ALOX5AP: variants seen among roughly 807,000 people sequenced by gnomAD.
ALOX5AP encodes the protein arachidonate 5-lipoxygenase activating protein.
ALOX5AP carries 9 observed loss-of-function variants against 18.5 expected under a neutral mutation model. The ratio of observed to expected loss-of-function variants is 0.49; its 90% confidence interval spans 0.29 to 0.85. The LOEUF (loss-of-function observed/expected upper bound fraction) is 0.85. Among genes scored for constraint, ALOX5AP ranks in the 40% least tolerant of loss-of-function variants. The probability of loss-of-function intolerance (pLI) is 0.08; values close to 1 mark genes in which losing one functional copy is unlikely to be tolerated. For synonymous variants in ALOX5AP, 81 were observed against 78.6 expected (o/e 1.03, Z -0.16); for missense variants, 172 against 202.5 (o/e 0.85, Z 0.91).
At chr13:30,732,741 CAG>C (rs1951691328), upstream of ALOX5AP, among the ~76,000 whole-genome samples, 5 of 151,856 alleles carry the variant, frequency 3.3e-5, no homozygotes, top group African/African-American at 1.2e-4. Context: ...AACAGGTCTG[CAG>C]AGAGAATACG....
At chr13:30,716,313 C>T (rs975288598) in intron 1 of ALOX5AP, among the ~76,000 whole-genome samples, 9 of 152,096 alleles carry the variant, frequency 5.9e-5, no homozygotes, top group Non-Finnish European at 8.8e-5. Context: ...GTAGCCTGGG[C>T]ATGAGGATAA....
At chr13:30,732,516 C>T (rs1035435461), upstream of ALOX5AP, among the ~76,000 whole-genome samples, 7 of 152,116 alleles carry the variant, frequency 4.6e-5, no homozygotes, top group Non-Finnish European at 8.8e-5. Context: ...TTTTTATTTG[C>T]GGGATTAGTC....
intron 1 of ALOX5AP, among the ~76,000 whole-genome samples, chr13:30,741,867 G>A (rs1951769646): frequency 6.9e-6 from 1 of 144,270 alleles, no homozygotes; most frequent in South Asian, 2.2e-4. Flanking sequence ...TTGGTCAGTG[G>A]TTGGTTGACT....
intron 1 of ALOX5AP, among the ~76,000 whole-genome samples, chr13:30,743,367 C>T (rs1207703440): frequency 6.6e-6 from 1 of 152,148 alleles, no homozygotes; most frequent in African/African-American, 2.4e-5. Context: ...ATCAGTTCCT[C>T]AAACCAAGGC....
At chr13:30,738,836 C>T (rs1283358025) in intron 1 of ALOX5AP, among the ~76,000 whole-genome samples, 1 of 152,128 alleles carries the variant, frequency 6.6e-6, no homozygotes, top group African/African-American at 2.4e-5. Context: ...GAGGCAGCCT[C>T]CTCCAAGTTT....
intron 3 of ALOX5AP, among the ~76,000 whole-genome samples, chr13:30,754,790 A>C (rs1447937859): frequency 6.6e-6 from 1 of 152,222 alleles, no homozygotes; most frequent in African/African-American, 2.4e-5. Flanking sequence ...GATCTAGGAA[A>C]AAGACAGATG....
rs574257993 is a variant in ALOX5AP at position 30,713,544 on chromosome 13, C to T, written c.-182C>T. The stretch of plus-strand genomic sequence containing the variant: ...TGGCAAAGATGGGGTTGAAAGGGCC[C>T]GGACTCCAGGGAGGGGCAGCTCTGC... On this transcript the variant is annotated 5_prime_UTR_variant, in exon 1 of 6. Transcript: ENST00000617770. 3.4e-4 allele frequency: 194 copies of T among 577,914 alleles called. 3 individuals are homozygous for T. The highest frequency in any genetic ancestry group is 3.2e-3 in the South Asian group (151 of 46,564). 35.8% of individuals were successfully genotyped at this position (577,914 alleles called of 1,614,324 possible). A position where few individuals can be genotyped will look rare whatever the true frequency, so the allele number is the denominator to read the frequency against.
intron 4 of ALOX5AP, 108 bp downstream of exon 4, chr13:30,756,133 C>A: frequency 9.3e-7 from 1 of 1,070,232 alleles, no homozygotes; most frequent in Non-Finnish European, 1.4e-6. Context: ...CCGTAGCATC[C>A]CCTTGGGTGG....
chr13:30,732,181 C>T (rs1051546773), upstream of ALOX5AP, among the ~76,000 whole-genome samples: 40 of 152,210 alleles, frequency 2.6e-4, no homozygotes, highest in African/African-American at 8.7e-4. Flanking sequence ...TGCCCGGCAC[C>T]TCTCGCCAGG....
chr13:30,713,831 C>G, exon 1 of ALOX5AP: 1 of 1,523,460 alleles, frequency 6.6e-7, no homozygotes, highest in Non-Finnish European at 8.7e-7. Context: ...GAACATAAGC[C>G]ATCAGTGCTG....
intron 4 of ALOX5AP, among the ~76,000 whole-genome samples, chr13:30,762,596 A>AAAG (rs1951951025): frequency 6.6e-6 from 1 of 151,600 alleles, no homozygotes. Flanking sequence ...TCAAAAAAAA[A>AAAG]AAAAGAAAAG....
intron 1 of ALOX5AP, among the ~76,000 whole-genome samples, chr13:30,724,318 A>G (rs1193821407): frequency 6.6e-6 from 1 of 152,184 alleles, no homozygotes; most frequent in Non-Finnish European, 1.5e-5. Context: ...ATATACCACA[A>G]TTTGTTTATC....
At chr13:30,763,787 C>T (rs531043688) in intron 4 of ALOX5AP, among the ~76,000 whole-genome samples, 157 bp from the exon 5 acceptor site, 2 of 152,310 alleles carry the variant, frequency 1.3e-5, no homozygotes, top group African/African-American at 2.4e-5. Flanking sequence ...TGAGACACTT[C>T]TACCCTTCAA....
intron 4 of ALOX5AP, among the ~76,000 whole-genome samples, chr13:30,757,916 C>G (rs1951909687): frequency 6.6e-6 from 1 of 152,012 alleles, no homozygotes; most frequent in African/African-American, 2.4e-5. Flanking sequence ...TTCTTGTGTC[C>G]CTCCCTGGTC....
intron 1 of ALOX5AP, among the ~76,000 whole-genome samples, chr13:30,715,488 C>T (rs1014406023): frequency 1.3e-5 from 2 of 152,156 alleles, no homozygotes. Context: ...TTGCTTGCTC[C>T]TCAGTGTGGC....
chr13:30,737,548 C>T (rs1211813214), intron 1 of ALOX5AP, among the ~76,000 whole-genome samples: 1 of 152,184 alleles, frequency 6.6e-6, no homozygotes, highest in Non-Finnish European at 1.5e-5. Context: ...TTTTTACAGA[C>T]CACAGGGCAC....
intron 4 of ALOX5AP, among the ~76,000 whole-genome samples, chr13:30,763,577 G>A (rs187477262): frequency 5.9e-4 from 90 of 152,240 alleles, no homozygotes; most frequent in Admixed American, 3.0e-3. Flanking sequence ...CTGCAGAGAG[G>A]GTCTTAATGG....
upstream of ALOX5AP, chr13:30,735,458 A>AAAT (rs1306238630): frequency 8.2e-7 from 1 of 1,218,218 alleles, no homozygotes; most frequent in African/African-American, 1.7e-5. Context: ...AAAAAAAAAA[A>AAAT]AGGAAGAAGA....
chr13:30,752,224 C>CT, intron 3 of ALOX5AP, 102 bp downstream of exon 3: 1 of 1,237,492 alleles, frequency 8.1e-7, no homozygotes, highest in Non-Finnish European at 1.2e-6. Context: ...TGACCTCTGG[C>CT]TCCCATCTGT....
Sources: allele counts gnomAD v4.1 joint callset (sites outside exome capture counted in the v4.1 genomes callset), GRCh38; gene constraint gnomAD v4.1.1; transcripts MANE v1.5; gene names NCBI Gene and HGNC (gene_info 2026-07-23, HGNC 2026-07-21).